Variants in IL1RAPL1 observed in about 807,000 individuals in gnomAD.
The protein encoded by IL1RAPL1 is interleukin 1 receptor accessory protein like 1.
Under a neutral mutation model 48.4 loss-of-function variants are expected in IL1RAPL1, and 3 were observed. That is an observed-to-expected ratio of 0.06 (90% CI 0.03 to 0.16). IL1RAPL1 has a LOEUF of 0.16. Among genes scored for constraint, IL1RAPL1 ranks in the 10% least tolerant of loss-of-function variants. The pLI, the probability that IL1RAPL1 is intolerant of heterozygous loss-of-function variation, is 1.00. For missense variants in IL1RAPL1, 349 were observed against 530.6 expected (o/e 0.66, Z 3.36); for synonymous variants, 185 against 187.7 (o/e 0.99, Z 0.12).
At chrX:29,184,961 T>C (rs986116704) in intron 2 of IL1RAPL1, among the ~76,000 whole-genome samples, 52 of 112,082 alleles carry the variant, frequency 4.6e-4, no homozygotes, top group African/African-American at 1.6e-3. Flanking sequence ...GAAGACAATT[T>C]TGTGAGTCTA....
chrX:28,831,206 A>C (rs1391795023), intron 2 of IL1RAPL1, among the ~76,000 whole-genome samples: 1 of 94,897 alleles, frequency 1.1e-5, no homozygotes, highest in East Asian at 3.2e-4. Context: ...TATAGCTCTG[A>C]ACTTACTCAC....
intron 1 of IL1RAPL1, among the ~76,000 whole-genome samples, chrX:28,642,678 T>C (rs1347235349): frequency 7.2e-5 from 8 of 111,776 alleles, no homozygotes. Context: ...GGGAAATTTA[T>C]AGCACTAAAT....
At chrX:29,524,477 A>C (rs1935533854) in intron 5 of IL1RAPL1, among the ~76,000 whole-genome samples, 1 of 111,103 alleles carries the variant, frequency 9.0e-6, no homozygotes, top group African/African-American at 3.3e-5. Flanking sequence ...TTTCTGTTTA[A>C]TTTGTCTGCA....
At chrX:29,009,810 A>G (rs968301071) in intron 2 of IL1RAPL1, among the ~76,000 whole-genome samples, 1 of 112,107 alleles carries the variant, frequency 8.9e-6, no homozygotes, top group Non-Finnish European at 1.9e-5. Flanking sequence ...TGTTCATTTG[A>G]TAGGAATAGC....
intron 2 of IL1RAPL1, among the ~76,000 whole-genome samples, chrX:28,804,754 C>A (rs1284579074): frequency 1.8e-5 from 2 of 111,533 alleles, no homozygotes; most frequent in Non-Finnish European, 1.9e-5. Flanking sequence ...CTTAATCATA[C>A]CTTCTAGGTT....
At chrX:29,507,779 T>C (rs1935352095) in intron 5 of IL1RAPL1, among the ~76,000 whole-genome samples, 2 of 111,184 alleles carry the variant, frequency 1.8e-5, no homozygotes, top group African/African-American at 6.6e-5. Context: ...GCATTTTACA[T>C]GAGGAATAAG....
chrX:28,603,720 G>T (rs758277828), intron 1 of IL1RAPL1, among the ~76,000 whole-genome samples: 2 of 112,002 alleles, frequency 1.8e-5, no homozygotes, highest in Non-Finnish European at 3.8e-5. Context: ...AATCTCCCGA[G>T]GTGTCCTGGT....
At chrX:28,774,380 G>A (rs1020158191) in intron 1 of IL1RAPL1, among the ~76,000 whole-genome samples, 1 of 111,419 alleles carries the variant, frequency 9.0e-6, no homozygotes, top group Non-Finnish European at 1.9e-5. Flanking sequence ...GATTATCCGG[G>A]TCCTCTGGCT....
chrX:28,722,857 G>A (rs1025446677), intron 1 of IL1RAPL1, among the ~76,000 whole-genome samples: 13 of 111,558 alleles, frequency 1.2e-4, no homozygotes, highest in African/African-American at 2.0e-4. Context: ...AAATCATGTC[G>A]TTTTTGTCTT....
intron 6 of IL1RAPL1, among the ~76,000 whole-genome samples, chrX:29,759,352 G>A (rs977623814): frequency 3.6e-5 from 4 of 111,724 alleles, no homozygotes; most frequent in Non-Finnish European, 5.6e-5. Flanking sequence ...ACAACACTGC[G>A]TTTTCAAAAT....
chrX:28,726,224 GGT>G (rs1935674957), intron 1 of IL1RAPL1, among the ~76,000 whole-genome samples: 1 of 111,706 alleles, frequency 9.0e-6, no homozygotes. Context: ...TGTAAAATGA[GGT>G]ATATAATCTG....
chrX:28,795,768 G>C, intron 2 of IL1RAPL1, among the ~76,000 whole-genome samples: 1 of 110,578 alleles, frequency 9.0e-6, no homozygotes, highest in Non-Finnish European at 1.9e-5. Context: ...TGTATTATGA[G>C]GGTACAAAAT....
intron 6 of IL1RAPL1, among the ~76,000 whole-genome samples, chrX:29,685,649 A>G (rs967129856): frequency 9.0e-6 from 1 of 111,682 alleles, no homozygotes; most frequent in African/African-American, 3.3e-5. Context: ...TTTCATAAAC[A>G]CTAGTATCAG....
chrX:29,147,311 G>A (rs1475164176), intron 2 of IL1RAPL1, among the ~76,000 whole-genome samples: 1 of 111,900 alleles, frequency 8.9e-6, no homozygotes, highest in Non-Finnish European at 1.9e-5. Context: ...GGCATTTCAA[G>A]GTAGAGATTT....
chrX:29,746,621 T>TC, intron 6 of IL1RAPL1, among the ~76,000 whole-genome samples: 1 of 111,610 alleles, frequency 9.0e-6, no homozygotes, highest in Middle Eastern at 4.6e-3. Context: ...TTTTTTTTTT[T>TC]CTTCGCGACA....
At chrX:28,627,739 C>T (rs1934355514) in intron 1 of IL1RAPL1, among the ~76,000 whole-genome samples, 1 of 112,047 alleles carries the variant, frequency 8.9e-6, no homozygotes, top group Non-Finnish European at 1.9e-5. Context: ...TAAATATCTG[C>T]AGTATGTGTA....
At chrX:29,766,449 G>A (rs372893600) in intron 6 of IL1RAPL1, among the ~76,000 whole-genome samples, 25 of 79,787 alleles carry the variant, frequency 3.1e-4, no homozygotes, top group African/African-American at 1.0e-3. Flanking sequence ...ATATTTATAT[G>A]TCCAAATATA....
intron 2 of IL1RAPL1, among the ~76,000 whole-genome samples, chrX:29,132,646 T>C (rs775761323): frequency 1.8e-5 from 2 of 111,916 alleles, no homozygotes; most frequent in East Asian, 5.6e-4. Context: ...GATTGTGGTG[T>C]GCTTCTGGAG....
At chrX:29,000,461 G>A (rs188304862) in intron 2 of IL1RAPL1, among the ~76,000 whole-genome samples, 187 of 111,388 alleles carry the variant, frequency 1.7e-3, no homozygotes, top group Admixed American at 3.9e-3. Flanking sequence ...CTTATGTCTT[G>A]TTTACCTTTG....
Sources: gnomAD v4.1 joint callset for allele counts (sites outside exome capture counted in the v4.1 genomes callset) on GRCh38, gnomAD v4.1.1 for gene constraint, MANE v1.5 for transcripts, NCBI Gene and HGNC (gene_info 2026-07-23, HGNC 2026-07-21) for gene names.